CFAP91: variants seen among roughly 807,000 people sequenced by gnomAD.
CFAP91 encodes cilia- and flagella-associated protein 91.
CFAP91 carries 85 observed loss-of-function variants against 95.9 expected under a neutral mutation model. The ratio of observed to expected loss-of-function variants is 0.89; its 90% CI spans 0.74 to 1.06. The LOEUF (loss-of-function observed/expected upper bound fraction) is 1.06, where lower values mean the gene tolerates loss of function less well. Among genes scored for constraint, CFAP91 ranks in the 50% least tolerant of loss-of-function variants. The pLI is 0.00. For synonymous variants in CFAP91, 335 were observed against 327.5 expected, an observed-to-expected ratio of 1.02 and a Z score of -0.25; for missense variants, 962 against 943.4, an observed-to-expected ratio of 1.02 and a Z score of -0.26.
chr3:119,707,380 T>C, intron 2 of CFAP91, 24 bp from the exon 3 acceptor site: 1 of 1,504,574 alleles, frequency 6.6e-7, no homozygotes. Flanking sequence ...AATTTTGTCC[T>C]TTGCCTCCCT....
Position 119,730,208 on chromosome 3 carries a change from AT to A in CFAP91, c.861-9del. Reference sequence around the variant, plus strand: ...GCCATATGCTTCTTTATGTTTTGTAATTTACTTGAAGACTGCAGGAGATTCG... The same window carrying A: ...GCCATATGCTTCTTTATGTTTTGTAATTACTTGAAGACTGCAGGAGATTCG... On this transcript the variant is annotated splice_polypyrimidine_tract_variant and intron_variant, in intron 7 of 17. Transcript: ENST00000273390. 6.2e-7 allele frequency: 1 copy of A among 1,609,768 alleles called. No homozygotes were observed. Among genetic ancestry groups the A allele is most frequent in the South Asian group, 1.1e-5 (1 of 90,292 alleles).
chr3:119,747,062 T>G (rs577421367), intron 14 of CFAP91, 53 bp from the exon 15 acceptor site: 1 of 1,365,210 alleles, frequency 7.3e-7, no homozygotes, highest in African/African-American at 1.5e-5. Flanking sequence ...ATTTTTCTTG[T>G]GTTGTTTACA....
rs559075744 is a variant in CFAP91 at position 119,707,258 on chromosome 3, A to G, written c.202-146A>G. ...CAGTTTCTTGGGCATGTATTTAAAGATATTTTACGCATACAGCAATAACCC... is the reference window on the plus strand; with the variant it reads ...CAGTTTCTTGGGCATGTATTTAAAGGTATTTTACGCATACAGCAATAACCC... On this transcript the variant is annotated intron_variant, in intron 2 of 17. Transcript: ENST00000273390. 2.3e-5 allele frequency: 14 copies of G among 596,064 alleles called. No individual in the cohort carries two copies. The Admixed American group carries it at 4.1e-4, about 18-fold the overall frequency. 36.9% of individuals were successfully genotyped at this position (596,064 alleles called of 1,614,324 possible).
rs1227335505 is a variant in CFAP91 at position 119,740,709 on chromosome 3, TG to T, written c.1680+15del. 1.9e-6 allele frequency: 3 copies of T among 1,609,124 alleles called. No homozygotes were observed. The South Asian group carries it at 3.3e-5, about 18-fold the overall frequency. On this transcript the variant is annotated intron_variant, in intron 13 of 17. Coordinates refer to ENST00000273390, the MANE Select transcript of CFAP91 (RefSeq NM_033364.4). The stretch of plus-strand genomic sequence containing the variant: ...CATGAGCACAAGGTTTTCCTTTTTT[TG>T]TTTTCTTGTTACTTTCTTGTTAAAT...
At chr3:119,758,557 G>A (rs1014287920) in intron 17 of CFAP91, among the ~76,000 whole-genome samples, 1 of 152,132 alleles carries the variant, frequency 6.6e-6, no homozygotes, top group Non-Finnish European at 1.5e-5. Context: ...ATGGAAGCAT[G>A]TTCATCTTAC....
At chr3:119,737,197 A>G (rs973345613) in intron 10 of CFAP91, among the ~76,000 whole-genome samples, 169 bp from the exon 11 acceptor site, 1 of 152,224 alleles carries the variant, frequency 6.6e-6, no homozygotes, top group Non-Finnish European at 1.5e-5. Flanking sequence ...TAGATCTGGT[A>G]ATGAAGGAAA....
chr3:119,741,524 A>G (rs1247418459), intron 13 of CFAP91, among the ~76,000 whole-genome samples: 1 of 152,240 alleles, frequency 6.6e-6, no homozygotes, highest in Non-Finnish European at 1.5e-5. Flanking sequence ...CACAGCTAAG[A>G]ATTACAGCTC....
chr3:119,718,023 G>C (rs568742914), intron 6 of CFAP91, among the ~76,000 whole-genome samples: 1 of 152,164 alleles, frequency 6.6e-6, no homozygotes, highest in African/African-American at 2.4e-5. Flanking sequence ...GTAGCCACTC[G>C]CAGGTCAAGG....
chr3:119,737,427 G>C lies in CFAP91; in HGVS notation c.1406G>C (p.Arg469Thr). ...EVKKPPRFLQ[R>T]NPIPQPRLPT... ...AAGAAACCCCCTCGCTTCCTTCAAAGAAACCCAATACCTCAACCTCGGCTT... is the reference window on the plus strand; with the variant it reads ...AAGAAACCCCCTCGCTTCCTTCAAACAAACCCAATACCTCAACCTCGGCTT... Residue 469 changes from arginine (R) to threonine (T), a missense_variant, in exon 11 of 18, where the codon AGA becomes ACA. Coordinates refer to ENST00000273390, the MANE Select transcript of CFAP91 (RefSeq NM_033364.4). 1.2e-6 allele frequency: 2 copies of C among 1,611,692 alleles called. No homozygotes were observed. Among genetic ancestry groups the C allele is most frequent in the Non-Finnish European group, 1.7e-6 (2 of 1,179,072 alleles).
intron 7 of CFAP91, among the ~76,000 whole-genome samples, chr3:119,728,116 A>G (rs113554429): frequency 0.013 from 1,929 of 148,448 alleles, 40 homozygotes; most frequent in African/African-American, 0.048. Flanking sequence ...TGTCAATAAT[A>G]ATAATATGAT....
intron 13 of CFAP91, among the ~76,000 whole-genome samples, chr3:119,743,356 G>A (rs1244644963): frequency 6.6e-6 from 1 of 152,002 alleles, no homozygotes; most frequent in African/African-American, 2.4e-5. Context: ...GACCTCAGGT[G>A]ATCCACCCGC....
intron 5 of CFAP91, 196 bp from the exon 6 acceptor site, chr3:119,715,366 G>C: frequency 1.4e-6 from 1 of 696,976 alleles, no homozygotes; most frequent in Non-Finnish European, 2.6e-6. Context: ...TCCTGGCAGA[G>C]GTGAGAATAA....
intron 16 of CFAP91, among the ~76,000 whole-genome samples, chr3:119,750,047 A>G (rs950907812): frequency 3.3e-5 from 5 of 152,284 alleles, no homozygotes; most frequent in South Asian, 2.1e-4. Flanking sequence ...ACCATGGTCT[A>G]TGTGACTCCA....
At chr3:119,710,265 A>G (rs2053449679) in intron 5 of CFAP91, 1 of 168,298 alleles carries the variant, frequency 5.9e-6, no homozygotes, top group South Asian at 1.5e-4. Context: ...AAATAAATTT[A>G]TTTCTTGAAG....
chr3:119,739,252 T>C lies in CFAP91; in HGVS notation c.1462-3T>C, dbSNP rs753824704. 3.1e-6 allele frequency: 5 copies of C among 1,613,756 alleles called. No homozygotes were observed. The highest frequency in any genetic ancestry group is 1.3e-5 in the African/African-American group (1 of 75,030). On this transcript the variant is annotated splice_region_variant and splice_polypyrimidine_tract_variant and intron_variant, in intron 11 of 17. Coordinates refer to ENST00000273390, the MANE Select transcript of CFAP91 (RefSeq NM_033364.4). ...CTGCTTGGTTCTCCCTTTGTTCTTT[T>C]AGGAAGAAGAAGAAATGGAAATGGC... is the stretch of plus-strand genomic sequence containing the variant.
At chr3:119,733,544 T>A in intron 10 of CFAP91, 38 bp downstream of exon 10, 2 of 1,597,142 alleles carry the variant, frequency 1.3e-6, no homozygotes, top group Non-Finnish European at 1.7e-6. Context: ...GCTTCTAGTA[T>A]GATTTTTGCA....
intron 5 of CFAP91, among the ~76,000 whole-genome samples, chr3:119,713,928 T>G (rs1435516314): frequency 1.3e-5 from 2 of 152,202 alleles, no homozygotes; most frequent in Non-Finnish European, 2.9e-5. Flanking sequence ...TGTTTCATAT[T>G]TTTTTAAACA....
Position 119,721,587 on chromosome 3 carries a change from A to G in CFAP91, c.683-4584A>G, listed in dbSNP as rs141636425. On this transcript the variant is annotated intron_variant, in intron 6 of 17. Coordinates refer to ENST00000273390, the MANE Select transcript of CFAP91 (RefSeq NM_033364.4). ...GTGCTTCTGGTATTTAGCTCGTGGGACAGGGTATAGCTGATAGGCTGGCAT... is the reference window on the plus strand; with the variant it reads ...GTGCTTCTGGTATTTAGCTCGTGGGGCAGGGTATAGCTGATAGGCTGGCAT... Among the ~76,000 whole-genome samples, 50 of 152,278 alleles carry G rather than the reference A, an allele frequency of 3.3e-4. 1 individual carries two copies. In the East Asian group the frequency reaches 9.3e-3, roughly 28 times the overall value.
Position 119,707,422 on chromosome 3 carries a change from A to C in CFAP91, c.220A>C (p.Lys74Gln), listed in dbSNP as rs746085403. 1 of 1,565,224 alleles carries C rather than the reference A, an allele frequency of 6.4e-7. No homozygotes were observed. Among genetic ancestry groups the C allele is most frequent in the Non-Finnish European group, 8.7e-7 (1 of 1,147,890 alleles). Residue 74 changes from lysine (K) to glutamine (Q), a missense_variant, in exon 3 of 18, where the codon AAA (lysine) becomes CAA (glutamine). By Grantham distance (53) the Lys-to-Gln change is moderately conservative. Coordinates refer to ENST00000273390, the MANE Select transcript of CFAP91 (RefSeq NM_033364.4). ...RSRLRKVPRF[K>Q]TMFSNLIHYP... ...ACATTAGAGAAAAGTTCCCAGGTTT[A>C]AAACCATGTTCAGTAACCTGATCCA...
Sources: gnomAD v4.1 joint callset for allele counts (sites outside exome capture counted in the v4.1 genomes callset) on GRCh38, gnomAD v4.1.1 for gene constraint, MANE v1.5 for transcripts, NCBI Gene and HGNC (gene_info 2026-07-23, HGNC 2026-07-21) for gene names.